DPF2: variants seen among roughly 807,000 people sequenced by gnomAD.
The protein encoded by DPF2 is double PHD fingers 2.
A neutral mutation model predicts 59.6 loss-of-function variants in DPF2; 10 were observed. The observed-to-expected ratio is 0.17, with a 90% CI of 0.10 to 0.28. DPF2 has a LOEUF of 0.28. Among genes scored for constraint, DPF2 ranks in the 10% least tolerant of loss-of-function variants. The probability of loss-of-function intolerance (pLI) is 1.00; values close to 1 mark genes in which losing one functional copy is unlikely to be tolerated. For missense variants in DPF2, 315 were observed against 509.4 expected, an observed-to-expected ratio of 0.62 and a Z score of 3.67; for synonymous variants, 189 against 190.6, an observed-to-expected ratio of 0.99 and a Z score of 0.07.
chr11:65,345,534 G>A (rs1185802167), intron 6 of DPF2, 132 bp from the exon 7 acceptor site: 2 of 1,331,424 alleles, frequency 1.5e-6, no homozygotes, highest in East Asian at 4.6e-5. Flanking sequence ...CTCAAGGCCT[G>A]TCCCAGAGTG....
At chr11:65,334,009 A>G in intron 1 of DPF2, 91 bp downstream of exon 1, 1 of 1,545,490 alleles carries the variant, frequency 6.5e-7, no homozygotes, top group East Asian at 2.4e-5. Context: ...AGGCGGAGAG[A>G]GGGACATCCC....
chr11:65,350,852 G>A (rs894396522), intron 10 of DPF2, among the ~76,000 whole-genome samples: 2 of 151,790 alleles, frequency 1.3e-5, no homozygotes, highest in African/African-American at 4.8e-5. Context: ...GGTGCTGTGC[G>A]CTTGTAATCT....
In DPF2 at chr11:65,346,443, T is replaced by A. The variant is rs969236096; in HGVS notation, c.1017+84T>A. The A allele has an allele frequency of 3.1e-6, 4 of 1,277,692 alleles. No homozygotes were observed. In the Admixed American group the frequency reaches 8.8e-5, roughly 28 times the overall value. The allele number at this position is 1,277,692 out of a possible 1,614,324, so 79.1% of individuals were successfully genotyped here. On this transcript the variant is annotated intron_variant, in intron 9 of 10. Transcript: ENST00000528416. ...ACAGTTCCCTCTAAAGTGAGCTTTC[T>A]TTTAAAAAGGGAGCAGGATCCCTCC...
intron 6 of DPF2, 110 bp from the exon 7 acceptor site, chr11:65,345,556 G>T: frequency 6.8e-7 from 1 of 1,477,184 alleles, no homozygotes. Flanking sequence ...AGCTGCTAGG[G>T]GAAGGGATGG....
intron 1 of DPF2, among the ~76,000 whole-genome samples, chr11:65,338,421 G>A (rs537621143): frequency 6.6e-6 from 1 of 152,194 alleles, no homozygotes; most frequent in South Asian, 2.1e-4. Context: ...CCGCAAAACT[G>A]TTTCCAGCCT....
chr11:65,345,542 G>A (rs1005573960), intron 6 of DPF2, 124 bp from the exon 7 acceptor site: 1 of 1,388,434 alleles, frequency 7.2e-7, no homozygotes, highest in Non-Finnish European at 9.9e-7. Context: ...CTGTCCCAGA[G>A]TGGAGCTGCT....
chr11:65,339,223 A>G (rs1206346598), intron 1 of DPF2, among the ~76,000 whole-genome samples: 1 of 151,634 alleles, frequency 6.6e-6, no homozygotes, highest in African/African-American at 2.4e-5. Context: ...CTTGGGCAAC[A>G]TAGTGAGACC....
chr11:65,340,808 T>G (rs534056450), intron 2 of DPF2, among the ~76,000 whole-genome samples, 158 bp from the exon 3 acceptor site: 1 of 152,320 alleles, frequency 6.6e-6, no homozygotes, highest in African/African-American at 2.4e-5. Flanking sequence ...TCTATTTTTC[T>G]TTTCCACAGA....
chr11:65,338,307 C>T (rs902320981), intron 1 of DPF2, among the ~76,000 whole-genome samples: 3 of 152,120 alleles, frequency 2.0e-5, no homozygotes, highest in African/African-American at 7.2e-5. Context: ...TGAGATTCTC[C>T]CCCCACACTT....
chr11:65,335,722 G>T (rs1950085969), intron 1 of DPF2, among the ~76,000 whole-genome samples: 1 of 152,128 alleles, frequency 6.6e-6, no homozygotes. Context: ...TTGGAGATAT[G>T]GCACTTCTCT....
At chr11:65,349,639 C>CA (rs1298597816) in intron 10 of DPF2, among the ~76,000 whole-genome samples, 5 of 152,076 alleles carry the variant, frequency 3.3e-5, no homozygotes, top group African/African-American at 1.2e-4. Context: ...ACTAAAAATA[C>CA]AAAAAAATTA....
rs1854520740 is a variant in DPF2 at position 65,346,135 on chromosome 11, T to C, written c.904+77T>C. 8 of 1,601,566 alleles carry C rather than the reference T, an allele frequency of 5.0e-6. No individual in the cohort carries two copies. The East Asian group carries it at 1.8e-4, about 36-fold the overall frequency. Reference sequence around the variant, plus strand: ...GGCTTGCTGGCCTCTAGGGCTGTCATAACCAGCCCACCTCGCTTTTCCTAA... The same window carrying C: ...GGCTTGCTGGCCTCTAGGGCTGTCACAACCAGCCCACCTCGCTTTTCCTAA... On this transcript the variant is annotated intron_variant, in intron 8 of 10. Transcript: ENST00000528416.
At chr11:65,343,016 A>G (rs1034203391) in intron 4 of DPF2, among the ~76,000 whole-genome samples, 1 of 138,082 alleles carries the variant, frequency 7.2e-6, no homozygotes, top group Non-Finnish European at 1.6e-5. Flanking sequence ...AAAACTTCCC[A>G]TGGCCGGCCA....
intron 9 of DPF2, chr11:65,347,786 G>A (rs1165179119): frequency 2.6e-5 from 4 of 152,192 alleles, no homozygotes; most frequent in African/African-American, 9.7e-5. Context: ...CTCCCAGGTA[G>A]CTGGGATTAC....
At chr11:65,350,081 A>ATGTTT (rs753332286) in intron 10 of DPF2, among the ~76,000 whole-genome samples, 3 of 152,038 alleles carry the variant, frequency 2.0e-5, no homozygotes, top group Admixed American at 6.6e-5. Flanking sequence ...TCGCATGTTT[A>ATGTTT]TGTTTTGTTT....
intron 1 of DPF2, among the ~76,000 whole-genome samples, chr11:65,337,310 C>T (rs1430991949): frequency 4.0e-5 from 6 of 150,766 alleles, no homozygotes; most frequent in South Asian, 2.1e-4. Context: ...ATTAGCTGGG[C>T]GTGGTGGCGC....
intron 9 of DPF2, chr11:65,346,673 A>T: frequency 4.1e-6 from 1 of 245,132 alleles, no homozygotes; most frequent in Non-Finnish European, 7.9e-6. Context: ...TGTGCCATGA[A>T]AAAAACGAAA....
Position 65,351,781 on chromosome 11 carries a change from C to T in DPF2, c.*22C>T, listed in dbSNP as rs757388869. On this transcript the variant is annotated 3_prime_UTR_variant, in exon 11 of 11. Coordinates refer to ENST00000528416, the MANE Select transcript of DPF2 (RefSeq NM_006268.5). ...TTGATGTGGCCACCCACCTGCTCCC[C>T]GACATATCTAAGGCTGTTTCTCTCC... 8.1e-6 allele frequency: 13 copies of T among 1,609,438 alleles called. No homozygotes were observed. Among genetic ancestry groups the T allele is most frequent in the East Asian group, 4.5e-5 (2 of 44,876 alleles).
chr11:65,341,152 C>T, intron 3 of DPF2, 79 bp downstream of exon 3: 1 of 1,463,958 alleles, frequency 6.8e-7, no homozygotes. Context: ...ATACCAGGCC[C>T]AGTACTAGAT....
Sources: gnomAD v4.1 joint callset for allele counts (sites outside exome capture counted in the v4.1 genomes callset) on GRCh38, gnomAD v4.1.1 for gene constraint, MANE v1.5 for transcripts, NCBI Gene and HGNC (gene_info 2026-07-23, HGNC 2026-07-21) for gene names.